Variants in OGFOD1 observed in about 807,000 individuals in gnomAD.
OGFOD1 encodes the protein prolyl 3-hydroxylase OGFOD1.
A neutral mutation model predicts 67.7 loss-of-function variants in OGFOD1; 54 were observed. The ratio of observed to expected loss-of-function variants is 0.80; its 90% CI spans 0.64 to 1.00. The LOEUF is 1.00. Among genes scored for constraint, OGFOD1 ranks in the 50% least tolerant of loss-of-function variants. The pLI, the probability that OGFOD1 is intolerant of heterozygous loss-of-function variation, is 0.00. For missense variants in OGFOD1, 606 were observed against 646.7 expected (o/e 0.94, Z 0.68); for synonymous variants, 221 against 227.0 (o/e 0.97, Z 0.24).
Position 56,478,490 on chromosome 16 carries a change from T to C in OGFOD1, c.*2285T>C, listed in dbSNP as rs1242330280. 1 of 152,214 alleles carries C rather than the reference T, an allele frequency of 6.6e-6. No homozygotes were observed. The highest frequency in any genetic ancestry group is 1.5e-5 in the Non-Finnish European group (1 of 68,044). The allele number at this position is 152,214 out of a possible 1,614,324, so 9.4% of individuals were successfully genotyped here. A position where few individuals can be genotyped will look rare whatever the true frequency, so the allele number is the denominator to read the frequency against. On this transcript the variant is annotated 3_prime_UTR_variant, in exon 13 of 13. Coordinates refer to ENST00000566157, the MANE Select transcript of OGFOD1 (RefSeq NM_018233.4). ...CTATATTCCAGCTGACTAAAGGTCA[T>C]CTCACTCACTTGCCTTCTGATGTGT...
In OGFOD1 at chr16:56,478,430, CT is replaced by C. The variant is rs1963571805; in HGVS notation, c.*2226del. 6.6e-6 allele frequency: 1 copy of C among 152,210 alleles called. No homozygotes were observed. The highest frequency in any genetic ancestry group is 6.6e-5 in the Admixed American group (1 of 15,266). 9.4% of individuals were successfully genotyped at this position (152,210 alleles called of 1,614,324 possible). A position where few individuals can be genotyped will look rare whatever the true frequency, so the allele number is the denominator to read the frequency against. ...CAACACTCAAGTGGGATTGCGAATACTGTTACTAATGGTTAATGTCACAGCT... is the reference window on the plus strand; with the variant it reads ...CAACACTCAAGTGGGATTGCGAATACGTTACTAATGGTTAATGTCACAGCT... On this transcript the variant is annotated 3_prime_UTR_variant, in exon 13 of 13. Transcript: ENST00000566157.
At chr16:56,473,914 C>G (rs1290960502) in intron 10 of OGFOD1, among the ~76,000 whole-genome samples, 2 of 151,996 alleles carry the variant, frequency 1.3e-5, no homozygotes, top group Non-Finnish European at 2.9e-5. Flanking sequence ...TCAAGCGATT[C>G]TCATGCCTCA....
Position 56,453,256 on chromosome 16 carries a change from C to T in OGFOD1, c.155-7C>T. The T allele has an allele frequency of 6.2e-7, 1 of 1,600,570 alleles. No individual in the cohort carries two copies. The highest frequency in any genetic ancestry group is 8.5e-7 in the Non-Finnish European group (1 of 1,175,980). ...AAAAGCCATAGATAATGTTTTTCTTCCAACAGAAGTCATTGTCATGGACAT... is the reference window on the plus strand; with the variant it reads ...AAAAGCCATAGATAATGTTTTTCTTTCAACAGAAGTCATTGTCATGGACAT... On this transcript the variant is annotated splice_polypyrimidine_tract_variant and splice_region_variant and intron_variant, in intron 1 of 12. Coordinates refer to ENST00000566157, the MANE Select transcript of OGFOD1 (RefSeq NM_018233.4).
rs1963389365 is a variant in OGFOD1 at position 56,474,954 on chromosome 16, A to C, written c.1408+4A>C. 1 of 1,613,416 alleles carries C rather than the reference A, an allele frequency of 6.2e-7. No homozygotes were observed. The highest frequency in any genetic ancestry group is 8.5e-7 in the Non-Finnish European group (1 of 1,179,672). On this transcript the variant is annotated splice_donor_region_variant and intron_variant, in intron 11 of 12. Transcript: ENST00000566157. ...ATTCTGTACTGTGGCTGTGAAGGTA[A>C]GAGGGAGGAAAGCAAGCGGTGGATT...
At position 56,453,349 on chromosome 16, in the gene OGFOD1, A is replaced by G; in HGVS notation, c.241A>G (p.Lys81Glu). ...CCAAGACTTCTTAGAAGGGCTTCAG[A>G]AGGAACTGATGAACTTGGACTTCCA... ...QSQDFLEGLQ[K>E]ELMNLDFHEK... is the part of the protein sequence containing the mutation. Residue 81 changes from lysine (K) to glutamate (E), a missense_variant, in exon 2 of 13, where the codon AAG (lysine) becomes GAG (glutamate). Lys to Glu is a moderately conservative substitution (Grantham distance 56, BLOSUM62 1). Coordinates refer to ENST00000566157, the MANE Select transcript of OGFOD1 (RefSeq NM_018233.4). 6.2e-7 allele frequency: 1 copy of G among 1,614,154 alleles called. No homozygotes were observed. The highest frequency in any genetic ancestry group is 1.3e-5 in the African/African-American group (1 of 75,054).
intron 2 of OGFOD1, chr16:56,454,936 G>T (rs1216277637): frequency 9.7e-6 from 2 of 206,778 alleles, no homozygotes; most frequent in South Asian, 5.5e-5. Context: ...GGTTGCACAG[G>T]TTAATTAAAA....
chr16:56,452,859 G>A (rs1962387929), intron 1 of OGFOD1, among the ~76,000 whole-genome samples: 1 of 152,108 alleles, frequency 6.6e-6, no homozygotes, highest in Non-Finnish European at 1.5e-5. Context: ...GCCTCTGACA[G>A]TAACTTGGGA....
intron 2 of OGFOD1, among the ~76,000 whole-genome samples, chr16:56,457,429 T>C (rs1962559369): frequency 6.6e-6 from 1 of 152,160 alleles, no homozygotes. Flanking sequence ...GGCACAAGGG[T>C]TTCTATTTGG....
rs1962345613 is a variant in OGFOD1 at position 56,451,772 on chromosome 16, CGGGTGCTCTCA to C, written c.154+10_154+20del. ...CAGGACGCCGTTCAGTCACGGTAAC[CGGGTGCTCTCA>C]GGGAGGGGCCGCCACGCAGAGGTCT... On this transcript the variant is annotated splice_region_variant and intron_variant, in intron 1 of 12. Transcript: ENST00000566157. 6.2e-7 allele frequency: 1 copy of C among 1,611,838 alleles called. No individual in the cohort carries two copies. Among genetic ancestry groups the C allele is most frequent in the South Asian group, 1.1e-5 (1 of 90,990 alleles).
intron 10 of OGFOD1, 23 bp downstream of exon 10, chr16:56,470,814 C>G (rs2144034169): frequency 1.3e-6 from 2 of 1,538,122 alleles, no homozygotes; most frequent in East Asian, 4.6e-5. Context: ...TAGGATTTGT[C>G]CTTACTTACC....
At position 56,462,611 on chromosome 16, in the gene OGFOD1, C is replaced by A. The variant is rs750800156; in HGVS notation, c.425C>A (p.Ser142Tyr). ...KIDLESTIDMSCAKYEFTDAL... is the reference protein window; with the variant it reads ...KIDLESTIDMYCAKYEFTDAL... Reference sequence around the variant, plus strand: ...GACCTGGAATCAACCATTGACATGTCCTGTGCTAAATATGAATTCACTGGT... The same window carrying A: ...GACCTGGAATCAACCATTGACATGTACTGTGCTAAATATGAATTCACTGGT... Residue 142 changes from serine to tyrosine, a missense_variant, in exon 4 of 13, where the codon TCC (serine) becomes TAC (tyrosine). Physicochemically the swap from Ser to Tyr is moderately radical, Grantham distance 144 (BLOSUM62 -2). Transcript: ENST00000566157. 64 of 1,608,406 alleles carry A rather than the reference C, an allele frequency of 4.0e-5. No homozygotes were observed. The highest frequency in any genetic ancestry group is 5.3e-5 in the Non-Finnish European group (62 of 1,175,202).
At chr16:56,465,028 C>G (rs1393887311) in intron 4 of OGFOD1, among the ~76,000 whole-genome samples, 4 of 149,824 alleles carry the variant, frequency 2.7e-5, no homozygotes, top group Non-Finnish European at 4.4e-5. Flanking sequence ...TAGACTGTCT[C>G]TCACTCTGTT....
intron 1 of OGFOD1, among the ~76,000 whole-genome samples, chr16:56,453,049 G>A (rs1426436304): frequency 6.6e-6 from 1 of 152,154 alleles, no homozygotes; most frequent in Non-Finnish European, 1.5e-5. Flanking sequence ...CTCATCTCAA[G>A]GACTGGAGTT....
chr16:56,466,757 T>C, intron 5 of OGFOD1, 119 bp from the exon 6 acceptor site: 1 of 737,220 alleles, frequency 1.4e-6, no homozygotes, highest in Non-Finnish European at 2.4e-6. Context: ...AAGGGCGGTA[T>C]TTCAGGGTCT....
chr16:56,470,863 A>C (rs1963139334), intron 10 of OGFOD1, 72 bp downstream of exon 10: 1 of 1,400,418 alleles, frequency 7.1e-7, no homozygotes, highest in African/African-American at 1.4e-5. Flanking sequence ...TCATTCAACA[A>C]ACATTTATTG....
chr16:56,463,290 T>C (rs532861962), intron 4 of OGFOD1, among the ~76,000 whole-genome samples: 2 of 151,688 alleles, frequency 1.3e-5, no homozygotes, highest in East Asian at 1.9e-4. Context: ...CCTGGAAGTA[T>C]AGATGGCTCA....
At position 56,453,307 on chromosome 16, in the gene OGFOD1, C is replaced by G; in HGVS notation, c.199C>G (p.Pro67Ala). 1 of 1,614,062 alleles carries G rather than the reference C, an allele frequency of 6.2e-7. No homozygotes were observed. Reference sequence around the variant, plus strand: ...GGACCCTTTTCTTCACTGTGTGATCCCAAACTTCATCCAAAGCCAAGACTT... The same window carrying G: ...GGACCCTTTTCTTCACTGTGTGATCGCAAACTTCATCCAAAGCCAAGACTT... ...DMDPFLHCVI[P>A]NFIQSQDFLE... The change falls in exon 2 of 13, where the codon CCA (proline) becomes GCA (alanine). Residue 67 changes from proline to alanine, a missense_variant. Physicochemically the swap from Pro to Ala is conservative, Grantham distance 27 (BLOSUM62 -1). Coordinates refer to ENST00000566157, the MANE Select transcript of OGFOD1 (RefSeq NM_018233.4).
Position 56,466,911 on chromosome 16 carries a change from AT to A in OGFOD1, c.602del (p.Ile201ThrfsTer33), listed in dbSNP as rs1316880855. On this transcript the variant is annotated frameshift_variant, in exon 6 of 13. Transcript: ENST00000566157. LOFTEE classifies it high-confidence loss of function. ...GCCGAAGCAGATTGTCAAGTCTCTT[AT>A]CCCTTCGTGGAACAAACTGGTTTTC... ...FQPKQIVKSL[I>X]PSWNKLVFFE... The A allele has an allele frequency of 9.9e-6, 16 of 1,613,934 alleles. No individual in the cohort carries two copies. Among genetic ancestry groups the A allele is most frequent in the Non-Finnish European group, 1.4e-5 (16 of 1,179,908 alleles).
intron 4 of OGFOD1, among the ~76,000 whole-genome samples, chr16:56,464,689 C>T (rs1596974647): frequency 6.6e-6 from 1 of 152,190 alleles, no homozygotes; most frequent in Non-Finnish European, 1.5e-5. Flanking sequence ...AAACTGACTT[C>T]TGCGTTCTTT....
Sources: allele counts gnomAD v4.1 joint callset (sites outside exome capture counted in the v4.1 genomes callset), GRCh38; gene constraint gnomAD v4.1.1; transcripts MANE v1.5; gene names NCBI Gene and HGNC (gene_info 2026-07-23, HGNC 2026-07-21).